NLK: variants seen among roughly 807,000 people sequenced by gnomAD.
NLK encodes serine/threonine-protein kinase NLK.
NLK carries 11 observed loss-of-function variants against 59.0 expected under a neutral mutation model. The observed-to-expected ratio is 0.19, with a 90% CI of 0.12 to 0.31. The LOEUF (loss-of-function observed/expected upper bound fraction) is 0.31. Ranked by LOEUF, NLK falls within the 10% of genes least tolerant of loss-of-function variation. The pLI is 1.00. For synonymous variants in NLK, 235 were observed against 235.9 expected (o/e 1.00, Z 0.03); for missense variants, 410 against 661.1 (o/e 0.62, Z 4.16).
At chr17:28,200,833 T>C (rs1909611303), downstream of NLK, among the ~76,000 whole-genome samples, 1 of 152,196 alleles carries the variant, frequency 6.6e-6, no homozygotes, top group African/African-American at 2.4e-5. Context: ...TTTTATAACA[T>C]GCACATCCGT....
At chr17:28,049,469 T>A (rs182800065) in intron 1 of NLK, among the ~76,000 whole-genome samples, 16 of 152,318 alleles carry the variant, frequency 1.1e-4, no homozygotes, top group Non-Finnish European at 1.5e-4. Context: ...ATATTTAGTC[T>A]TATAAATAAT....
chr17:28,172,377 G>A, intron 6 of NLK, 140 bp from the exon 7 acceptor site: 1 of 378,456 alleles, frequency 2.6e-6, no homozygotes, highest in Non-Finnish European at 4.7e-6. Context: ...GTGAAAGTAG[G>A]GGCTCCTGTC....
chr17:28,137,646 A>T (rs1368461857), intron 3 of NLK, among the ~76,000 whole-genome samples: 1 of 152,126 alleles, frequency 6.6e-6, no homozygotes, highest in Non-Finnish European at 1.5e-5. Context: ...GCAGTTAATC[A>T]TGTATTTCCT....
intron 1 of NLK, chr17:28,048,244 A>G (rs1438700025): frequency 3.1e-6 from 1 of 323,976 alleles, no homozygotes; most frequent in Non-Finnish European, 5.6e-6. Flanking sequence ...TCCATAGCCT[A>G]TAACGTTGCA....
Position 28,132,654 on chromosome 17 carries a change from A to T in NLK, c.623A>T (p.His208Leu), listed in dbSNP as rs750913329. ...LSALDILQPP[H>L]IDYFEEIYVV... ...GCCCTTGACATACTCCAACCTCCACACATTGACTATTTTGAAGAAATGTAT... is the reference window on the plus strand; with the variant it reads ...GCCCTTGACATACTCCAACCTCCACTCATTGACTATTTTGAAGAAATGTAT... The change falls in exon 3 of 11, where the codon CAC becomes CTC. Residue 208 changes from histidine (H) to leucine (L), a missense_variant. This residue lies in a region of NLK where 73 missense variants were observed against 197.2 expected (regional missense o/e 0.37). Coordinates refer to ENST00000407008, the MANE Select transcript of NLK (RefSeq NM_016231.5). The T allele has an allele frequency of 3.1e-6, 5 of 1,610,824 alleles. No individual in the cohort carries two copies. Among genetic ancestry groups the T allele is most frequent in the Non-Finnish European group, 1.7e-6 (2 of 1,178,294 alleles).
intron 3 of NLK, among the ~76,000 whole-genome samples, chr17:28,146,078 T>C (rs1907235015): frequency 6.6e-6 from 1 of 152,148 alleles, no homozygotes; most frequent in Admixed American, 6.5e-5. Flanking sequence ...CTGGGGAGAA[T>C]GTTGGAAAGA....
intron 1 of NLK, among the ~76,000 whole-genome samples, chr17:28,072,446 C>T (rs965782966): frequency 1.3e-5 from 2 of 151,846 alleles, no homozygotes; most frequent in Non-Finnish European, 2.9e-5. Context: ...CAACTTCAGC[C>T]TCCCAAGGGG....
At chr17:28,069,448 T>C (rs1909937027) in intron 1 of NLK, among the ~76,000 whole-genome samples, 1 of 152,224 alleles carries the variant, frequency 6.6e-6, no homozygotes, top group Non-Finnish European at 1.5e-5. Flanking sequence ...TATTTAACTT[T>C]ATTAAGATTG....
chr17:28,142,284 A>G (rs1005768164), intron 3 of NLK, among the ~76,000 whole-genome samples: 1 of 152,100 alleles, frequency 6.6e-6, no homozygotes, highest in South Asian at 2.1e-4. Flanking sequence ...TTGACATTCT[A>G]TACAACAAAT....
intron 4 of NLK, among the ~76,000 whole-genome samples, chr17:28,161,864 A>G (rs956504884): frequency 6.6e-6 from 1 of 152,214 alleles, no homozygotes; most frequent in Admixed American, 6.5e-5. Flanking sequence ...AAGTATGTCC[A>G]TGAGAATTTT....
intron 1 of NLK, among the ~76,000 whole-genome samples, chr17:28,080,224 G>C (rs2142765368): frequency 6.6e-6 from 1 of 152,280 alleles, no homozygotes; most frequent in Admixed American, 6.5e-5. Flanking sequence ...GGCCAAGGCA[G>C]GAAGATTGCT....
chr17:28,078,341 C>T (rs1056081452), intron 1 of NLK, among the ~76,000 whole-genome samples: 1 of 151,764 alleles, frequency 6.6e-6, no homozygotes, highest in African/African-American at 2.4e-5. Context: ...GATCTTTTAC[C>T]ATTAAAAAAA....
chr17:28,067,867 A>G (rs1909886232), intron 1 of NLK, among the ~76,000 whole-genome samples: 1 of 151,584 alleles, frequency 6.6e-6, no homozygotes, highest in African/African-American at 2.4e-5. Flanking sequence ...TGGTCTGGGC[A>G]TGGTGGCTCA....
intron 1 of NLK, among the ~76,000 whole-genome samples, chr17:28,075,538 A>G (rs1207272285): frequency 6.6e-6 from 1 of 152,134 alleles, no homozygotes; most frequent in Non-Finnish European, 1.5e-5. Context: ...TGTATTCTTG[A>G]GTCTCTTTGG....
chr17:28,068,961 A>C (rs1909922576), intron 1 of NLK, among the ~76,000 whole-genome samples: 1 of 152,138 alleles, frequency 6.6e-6, no homozygotes, highest in Admixed American at 6.6e-5. Flanking sequence ...TTACAGGTGT[A>C]AGCCACACAC....
At chr17:28,164,644 T>C (rs1253488416) in intron 5 of NLK, among the ~76,000 whole-genome samples, 1 of 152,160 alleles carries the variant, frequency 6.6e-6, no homozygotes, top group African/African-American at 2.4e-5. Context: ...CAGATGTGTA[T>C]TGGCAGAACT....
intron 5 of NLK, among the ~76,000 whole-genome samples, chr17:28,166,933 C>G (rs1908261044): frequency 6.6e-6 from 1 of 152,052 alleles, no homozygotes; most frequent in Non-Finnish European, 1.5e-5. Context: ...TGAATGAACC[C>G]CATAGCATTA....
downstream of NLK, among the ~76,000 whole-genome samples, chr17:28,201,081 A>G (rs1909616834): frequency 1.3e-5 from 2 of 152,104 alleles, no homozygotes; most frequent in Non-Finnish European, 2.9e-5. Flanking sequence ...TTTCACCTGT[A>G]TCACACTTTG....
intron 1 of NLK, among the ~76,000 whole-genome samples, chr17:28,062,827 C>A (rs1426408746): frequency 6.6e-6 from 1 of 152,214 alleles, no homozygotes; most frequent in Non-Finnish European, 1.5e-5. Flanking sequence ...GTGATCCACC[C>A]ACCTCAGCCT....
Sources: allele counts gnomAD v4.1 joint callset (sites outside exome capture counted in the v4.1 genomes callset), GRCh38; gene constraint gnomAD v4.1.1; regional missense constraint gnomAD v4.1.1; transcripts MANE v1.5; gene names NCBI Gene and HGNC (gene_info 2026-07-23, HGNC 2026-07-21).